DNAH8: variants seen among roughly 807,000 people sequenced by gnomAD.
DNAH8 encodes dynein axonemal heavy chain 8, also known as axonemal beta dynein heavy chain 8.
In DNAH8, 382 loss-of-function variants were observed where a neutral mutation model predicts 562.1. That is an observed-to-expected ratio of 0.68 (90% CI 0.63 to 0.74). DNAH8 has a LOEUF of 0.74. Ranked by LOEUF, DNAH8 falls within the 30% of genes least tolerant of loss-of-function variation. The probability of loss-of-function intolerance (pLI) is 0.00; values close to 1 mark genes in which losing one functional copy is unlikely to be tolerated. For missense variants in DNAH8, 5,203 were observed against 5,620.4 expected, an observed-to-expected ratio of 0.93 and a Z score of 2.37; for synonymous variants, 1,881 against 1,919.4, an observed-to-expected ratio of 0.98 and a Z score of 0.52.
At chr6:38,894,388 T>A (rs1437596772) in intron 58 of DNAH8, among the ~76,000 whole-genome samples, 1 of 152,192 alleles carries the variant, frequency 6.6e-6, no homozygotes, top group Non-Finnish European at 1.5e-5. Flanking sequence ...CCACAGTTCA[T>A]ATAGTCCTTA....
rs1448270591 is a variant in DNAH8, at chr6:38,896,136, T to C, written c.8851T>C (p.Tyr2951His). Residue 2951 changes from tyrosine to histidine, a missense_variant, in exon 60 of 93, where the codon TAC becomes CAC. Physicochemically the swap from Tyr to His is moderately conservative, Grantham distance 83. Coordinates refer to ENST00000327475, the MANE Select transcript of DNAH8 (RefSeq NM_001206927.2). The part of the protein sequence containing the change: ...DAASCILPEP[Y>H]FVDFLREMPE... ...AGCGTCGTGTATTCTTCCTGAACCA[T>C]ACTTTGTGGATTTTCTTCGTGAGAT... 3 of 1,613,732 alleles carry C rather than the reference T, an allele frequency of 1.9e-6. No homozygotes were observed. Among genetic ancestry groups the C allele is most frequent in the South Asian group, 1.1e-5 (1 of 91,048 alleles).
chr6:38,907,607 G>A (rs1780578887), intron 63 of DNAH8, among the ~76,000 whole-genome samples: 1 of 152,194 alleles, frequency 6.6e-6, no homozygotes, highest in Admixed American at 6.5e-5. Context: ...GCTTAATGGT[G>A]CAAAAATTAG....
chr6:38,909,723 G>T lies in DNAH8; in HGVS notation c.9719G>T (p.Ser3240Ile). 1 of 1,614,000 alleles carries T rather than the reference G, an allele frequency of 6.2e-7. No homozygotes were observed. The change falls in exon 65 of 93, where the codon AGC (serine) becomes ATC (isoleucine). Residue 3240 changes from serine (S) to isoleucine (I), a missense_variant. This residue lies in a region of DNAH8 where 977 missense variants were observed against 1,061.8 expected (regional missense o/e 0.92). Coordinates refer to ENST00000327475, the MANE Select transcript of DNAH8 (RefSeq NM_001206927.2). ...MGLFHDMVSE[S>I]CESYFQRYRR... ...CTGTTTCATGACATGGTTTCAGAGA[G>T]CTGTGAAAGTTATTTCCAAAGGTAA...
chr6:38,999,934 A>AACACACACACAC (rs61608266), intron 88 of DNAH8, among the ~76,000 whole-genome samples: 7 of 146,662 alleles, frequency 4.8e-5, no homozygotes, highest in African/African-American at 1.5e-4. Context: ...CACACACACA[A>AACACACACACAC]ACACACACAC....
Position 38,778,470 on chromosome 6 carries a change from C to T in DNAH8, c.2039+6C>T, listed in dbSNP as rs750551337. 14 of 1,548,358 alleles carry T rather than the reference C, an allele frequency of 9.0e-6. No individual in the cohort carries two copies. The highest frequency in any genetic ancestry group is 1.2e-5 in the Non-Finnish European group (14 of 1,127,488). On this transcript the variant is annotated splice_donor_region_variant and intron_variant, in intron 14 of 92. Coordinates refer to ENST00000327475, the MANE Select transcript of DNAH8 (RefSeq NM_001206927.2). ...GCTCTTCAGCTACTTCAAAGGTATT[C>T]ATAACACTTTAAGCAGAGTAGTTTC...
At chr6:38,786,299 TTATC>T (rs1769154302) in intron 17 of DNAH8, among the ~76,000 whole-genome samples, 1 of 152,230 alleles carries the variant, frequency 6.6e-6, no homozygotes, top group South Asian at 2.1e-4. Flanking sequence ...TTGAGCCTAT[TTATC>T]AGAAATACAG....
In DNAH8 at chr6:38,870,427, C is replaced by G. The variant is rs775893930; in HGVS notation, c.6855C>G (p.Leu2285=). 3.7e-6 allele frequency: 6 copies of G among 1,613,870 alleles called. No homozygotes were observed. Among genetic ancestry groups the G allele is most frequent in the South Asian group, 3.3e-5 (3 of 91,030 alleles). ...KLVDEDEPLF[L]SLINDLFPGL... Reference sequence around the variant, plus strand: ...TTGATGAAGATGAACCCCTGTTCCTCAGCTTAATCAATGACCTGTTCCCAG... The same window carrying G: ...TTGATGAAGATGAACCCCTGTTCCTGAGCTTAATCAATGACCTGTTCCCAG... Residue 2285 remains leucine, a synonymous_variant, in exon 49 of 93, where the codon CTC becomes CTG. Transcript: ENST00000327475.
At chr6:38,814,371 A>T (rs1481176926) in intron 25 of DNAH8, among the ~76,000 whole-genome samples, 1 of 152,232 alleles carries the variant, frequency 6.6e-6, no homozygotes, top group Non-Finnish European at 1.5e-5. Context: ...ACCTGACGTC[A>T]GGAGTTTGAG....
chr6:38,735,948 G>A (rs1358432190), intron 5 of DNAH8, among the ~76,000 whole-genome samples: 1 of 152,018 alleles, frequency 6.6e-6, no homozygotes, highest in Non-Finnish European at 1.5e-5. Context: ...GACCACCCTG[G>A]GCAACAGAGT....
intron 13 of DNAH8, 84 bp downstream of exon 13, chr6:38,776,035 G>A: frequency 1.2e-6 from 1 of 816,716 alleles, no homozygotes; most frequent in Non-Finnish European, 2.0e-6. Context: ...ATATTCACAT[G>A]TAGTAAGTGT....
intron 76 of DNAH8, 150 bp from the exon 77 acceptor site, chr6:38,935,441 AT>A: frequency 1.7e-6 from 1 of 592,504 alleles, no homozygotes; most frequent in Non-Finnish European, 2.9e-6. Flanking sequence ...ATATGGATAG[AT>A]AGATTTGGCT....
chr6:38,816,795 G>A (rs576906590), intron 26 of DNAH8, among the ~76,000 whole-genome samples: 2 of 152,148 alleles, frequency 1.3e-5, no homozygotes, highest in Admixed American at 6.5e-5. Flanking sequence ...GCATGAGATG[G>A]TATCTCACTG....
intron 56 of DNAH8, among the ~76,000 whole-genome samples, chr6:38,886,214 C>G (rs1191716644): frequency 6.6e-6 from 1 of 151,894 alleles, no homozygotes; most frequent in African/African-American, 2.4e-5. Flanking sequence ...GATGAGTGGA[C>G]AATGAGTGGC....
intron 3 of DNAH8, among the ~76,000 whole-genome samples, chr6:38,729,210 A>G (rs556704124): frequency 1.4e-5 from 2 of 147,068 alleles, no homozygotes; most frequent in East Asian, 4.0e-4. Context: ...CTCAAAACAA[A>G]CAAACAAACA....
chr6:38,890,187 C>T lies in DNAH8; in HGVS notation c.8474-465C>T, dbSNP rs1432994755. Among the ~76,000 whole-genome samples, 3 of 152,242 alleles carry T rather than the reference C, an allele frequency of 2.0e-5. No individual in the cohort carries two copies. The Middle Eastern group carries it at 0.01, about 518-fold the overall frequency. On this transcript the variant is annotated intron_variant, in intron 57 of 92. Transcript: ENST00000327475. ...GTTCTGCCAATACCAGTCCATGTGA[C>T]CTTGAACAATCGGCTTCACCTGTCT...
intron 49 of DNAH8, among the ~76,000 whole-genome samples, chr6:38,871,067 C>G (rs1330428489): frequency 6.6e-6 from 1 of 152,206 alleles, no homozygotes; most frequent in Admixed American, 6.5e-5. Context: ...ACCATCTAAC[C>G]ACTTGATTGG....
intron 30 of DNAH8, among the ~76,000 whole-genome samples, chr6:38,830,345 C>T (rs1161806872): frequency 6.6e-5 from 10 of 151,974 alleles, no homozygotes; most frequent in African/African-American, 2.2e-4. Context: ...TAAAAATGAA[C>T]TCCAAGGGGC....
At chr6:38,735,520 G>T (rs934618115) in intron 5 of DNAH8, among the ~76,000 whole-genome samples, 1 of 152,070 alleles carries the variant, frequency 6.6e-6, no homozygotes, top group Non-Finnish European at 1.5e-5. Context: ...GCTTTTGCTT[G>T]TTGTCTTCAA....
chr6:39,020,798 C>T (rs1418876460), intron 91 of DNAH8, among the ~76,000 whole-genome samples: 4 of 152,108 alleles, frequency 2.6e-5, no homozygotes, highest in African/African-American at 9.6e-5. Context: ...GTTAGTTTGC[C>T]GAGGATGATG....
Sources: gnomAD v4.1 joint callset for allele counts (sites outside exome capture counted in the v4.1 genomes callset) on GRCh38, gnomAD v4.1.1 for gene constraint, gnomAD v4.1.1 regional missense constraint, MANE v1.5 for transcripts, NCBI Gene and HGNC (gene_info 2026-07-23, HGNC 2026-07-21) for gene names.